The following ZRANB1 variants were observed in gnomAD, a reference collection of about 807,000 sequenced individuals.
ZRANB1 encodes the protein zinc finger RANBP2-type containing 1.
In ZRANB1, 16 loss-of-function variants were observed where a neutral mutation model predicts 80.5. The ratio of observed to expected loss-of-function variants is 0.20; its 90% confidence interval spans 0.13 to 0.30. The LOEUF (loss-of-function observed/expected upper bound fraction) is 0.30. ZRANB1 is among the 10% of genes least tolerant of loss of function. The probability of loss-of-function intolerance (pLI) is 1.00; values close to 1 mark genes in which losing one functional copy is unlikely to be tolerated. For synonymous variants in ZRANB1, 291 were observed against 293.1 expected, an observed-to-expected ratio of 0.99 and a Z score of 0.07; for missense variants, 576 against 862.6, an observed-to-expected ratio of 0.67 and a Z score of 4.16.
At chr10:124,926,826 C>A in the ZRANB1 span, among the ~76,000 whole-genome samples, 1 of 152,150 alleles carries the variant, frequency 6.6e-6, no homozygotes, top group African/African-American at 2.4e-5. Flanking sequence ...TGTATTGTGC[C>A]ATGACATTAT....
chr10:124,961,265 C>A (rs990692516), intron 1 of ZRANB1, among the ~76,000 whole-genome samples: 12 of 152,190 alleles, frequency 7.9e-5, no homozygotes, highest in Non-Finnish European at 1.5e-4. Flanking sequence ...CTCGGCCTCC[C>A]AAAGTGCTAG....
Position 124,985,029 on chromosome 10 carries a change from A to G in ZRANB1, c.*37A>G. The G allele has an allele frequency of 6.7e-7, 1 of 1,494,216 alleles. No individual in the cohort carries two copies. Among genetic ancestry groups the G allele is most frequent in the Non-Finnish European group, 9.2e-7 (1 of 1,089,760 alleles). 92.6% of individuals were successfully genotyped at this position (1,494,216 alleles called of 1,614,324 possible). A position where few individuals can be genotyped will look rare whatever the true frequency, so the allele number is the denominator to read the frequency against. ...AAACAGCAGAAGACCAAGGCATCAG[A>G]TCTGTAATGACCCTAAAGTTAGTGT... On this transcript the variant is annotated 3_prime_UTR_variant, in exon 9 of 9. Coordinates refer to ENST00000359653, the MANE Select transcript of ZRANB1 (RefSeq NM_017580.3).
At chr10:124,931,129 G>A in the ZRANB1 span, among the ~76,000 whole-genome samples, 8 of 152,172 alleles carry the variant, frequency 5.3e-5, no homozygotes, top group Non-Finnish European at 1.5e-5. Flanking sequence ...TGGCTGTAGT[G>A]CAGTGGTGTG....
At chr10:124,962,439 C>T in intron 1 of ZRANB1, 1 of 978,734 alleles carries the variant, frequency 1.0e-6, no homozygotes, top group Non-Finnish European at 1.2e-6. Context: ...TACCATTTGG[C>T]ATTCTTTTCA....
At chr10:124,978,554 A>G (rs553217145) in intron 5 of ZRANB1, among the ~76,000 whole-genome samples, 7 of 152,230 alleles carry the variant, frequency 4.6e-5, no homozygotes, top group East Asian at 3.9e-4. Context: ...TGCCAACCCA[A>G]TTTCCCACGG....
Position 124,986,544 on chromosome 10 carries a change from T to C in ZRANB1, c.*1552T>C, listed in dbSNP as rs1006257983. On this transcript the variant is annotated 3_prime_UTR_variant, in exon 9 of 9. Coordinates refer to ENST00000359653, the MANE Select transcript of ZRANB1 (RefSeq NM_017580.3). ...GATGAAAAGATCATTTTTTGCTGCA[T>C]GCTAAATCTTGCAGGAAAAATGATT... is the stretch of plus-strand genomic sequence containing the variant. 6.6e-6 allele frequency: 1 copy of C among 152,224 alleles called. No individual in the cohort carries two copies. The highest frequency in any genetic ancestry group is 1.5e-5 in the Non-Finnish European group (1 of 68,050). The allele number at this position is 152,224 out of a possible 1,614,324, so 9.4% of individuals were successfully genotyped here.
rs72416239 is a variant in ZRANB1 at position 124,986,279 on chromosome 10, ACGCGCGCGCG to A, written c.*1291_*1300del. On this transcript the variant is annotated 3_prime_UTR_variant, in exon 9 of 9. Transcript: ENST00000359653. ...AGGAATTTGGAAAGACGACACACGC[ACGCGCGCGCG>A]CGCACACACACACACACACACACAC... 0.086 allele frequency: 9,689 copies of A among 112,278 alleles called. 406 individuals carry two copies. Among genetic ancestry groups the A allele is most frequent in the Non-Finnish European group, 0.12 (6,060 of 48,962 alleles). 7.0% of individuals were successfully genotyped at this position (112,278 alleles called of 1,614,324 possible). A position where few individuals can be genotyped will look rare whatever the true frequency, so the allele number is the denominator to read the frequency against.
the ZRANB1 span, among the ~76,000 whole-genome samples, chr10:124,922,262 T>TATATATATATATATATGTAAA: frequency 0.013 from 1,330 of 100,404 alleles, 36 homozygotes; most frequent in African/African-American, 0.051. Context: ...ATATGTAAAA[T>TATATATATATATATATGTAAA]ATATATATAT....
intron 6 of ZRANB1, among the ~76,000 whole-genome samples, chr10:124,982,264 GCTGTTGCTGAT>G (rs1378941548): frequency 2.0e-5 from 3 of 152,108 alleles, no homozygotes; most frequent in Non-Finnish European, 4.4e-5. Context: ...TACTTGCATT[GCTGTTGCTGAT>G]CTGTCAGGCC....
chr10:124,943,082 G>C lies in ZRANB1; in HGVS notation c.589G>C (p.Glu197Gln). The change falls in exon 1 of 9, where the codon GAG becomes CAG. Residue 197 changes from glutamate (E) to glutamine (Q), a missense_variant. Glu to Gln is a conservative substitution (Grantham distance 29). This residue lies in a region of ZRANB1 where 411 missense variants were observed against 583.1 expected (regional missense o/e 0.70). Coordinates refer to ENST00000359653, the MANE Select transcript of ZRANB1 (RefSeq NM_017580.3). ...TGAAGAGGCTTCTTCAATAATAAAT[G>C]AGCAAGACAGAGCTCGATGGAGGGG... is the stretch of plus-strand genomic sequence containing the variant. ...ETEEASSIIN[E>Q]QDRARWRGSC... 6.2e-7 allele frequency: 1 copy of C among 1,614,182 alleles called. No homozygotes were observed. Among genetic ancestry groups the C allele is most frequent in the Non-Finnish European group, 8.5e-7 (1 of 1,180,028 alleles).
intron 1 of ZRANB1, among the ~76,000 whole-genome samples, chr10:124,960,146 G>T (rs929564678): frequency 1.6e-4 from 25 of 152,068 alleles, no homozygotes; most frequent in African/African-American, 5.8e-4. Flanking sequence ...GGATACATGG[G>T]GTCTGAAACT....
At chr10:124,940,493 C>G, upstream of ZRANB1, 1 of 1,288,314 alleles carries the variant, frequency 7.8e-7, no homozygotes, top group South Asian at 1.2e-5. Context: ...GCAAACCGTA[C>G]TTTTATTCTA....
At chr10:124,922,726 C>T in the ZRANB1 span, among the ~76,000 whole-genome samples, 1 of 151,092 alleles carries the variant, frequency 6.6e-6, no homozygotes, top group South Asian at 2.1e-4. Context: ...GAACTGACCT[C>T]GTGATCTGCC....
Position 124,983,415 on chromosome 10 carries a change from C to T in ZRANB1, c.1679-44C>T. The T allele has an allele frequency of 6.3e-7, 1 of 1,592,878 alleles. No homozygotes were observed. Among genetic ancestry groups the T allele is most frequent in the Non-Finnish European group, 8.6e-7 (1 of 1,166,326 alleles). On this transcript the variant is annotated intron_variant, in intron 7 of 8. Transcript: ENST00000359653. This position sits in a 1 kb window ranked among gnomAD's most constrained non-coding sequence, Gnocchi z 6.2. ...GAACAAGGGCAGTGAGGGAGTGGCT[C>T]TTTCTTCCTGTGACTGTTGGGATTT...
At chr10:124,960,338 T>G (rs1951722794) in intron 1 of ZRANB1, among the ~76,000 whole-genome samples, 1 of 152,232 alleles carries the variant, frequency 6.6e-6, no homozygotes, top group African/African-American at 2.4e-5. Context: ...TTCTGTCTAC[T>G]TTTGTCTAGA....
At chr10:124,962,364 C>G (rs1409037074) in intron 1 of ZRANB1, 1 of 985,386 alleles carries the variant, frequency 1.0e-6, no homozygotes, top group Non-Finnish European at 1.2e-6. Context: ...GTCACAGCTA[C>G]CATAGAACTC....
the ZRANB1 span, among the ~76,000 whole-genome samples, chr10:124,921,026 C>G: frequency 2.0e-5 from 3 of 152,080 alleles, no homozygotes; most frequent in Admixed American, 6.6e-5. Context: ...CTATGGCTGT[C>G]TCTTTAAAAA....
Position 124,974,189 on chromosome 10 carries a change from C to G in ZRANB1, c.1229-11C>G, listed in dbSNP as rs770389510. 6.8e-6 allele frequency: 11 copies of G among 1,613,492 alleles called. No homozygotes were observed. The Admixed American group carries it at 1.7e-4, about 24-fold the overall frequency. ...TATGGAAATGAACATGTATTTAAAT[C>G]CATCGTACAGAATTAGAAGAAGAAT... On this transcript the variant is annotated splice_polypyrimidine_tract_variant and intron_variant, in intron 4 of 8. Coordinates refer to ENST00000359653, the MANE Select transcript of ZRANB1 (RefSeq NM_017580.3).
At chr10:124,929,819 G>T in the ZRANB1 span, among the ~76,000 whole-genome samples, 1 of 151,702 alleles carries the variant, frequency 6.6e-6, no homozygotes, top group South Asian at 2.1e-4. Context: ...GGTGGCACAC[G>T]CCTGTAGTCC....
Sources: allele counts gnomAD v4.1 joint callset (sites outside exome capture counted in the v4.1 genomes callset), GRCh38; gene constraint gnomAD v4.1.1; regional missense constraint gnomAD v4.1.1; non-coding constraint Gnocchi (gnomAD v3.1); transcripts MANE v1.5; gene names NCBI Gene and HGNC (gene_info 2026-07-23, HGNC 2026-07-21).